The following FARP2 variants were observed in gnomAD, a reference collection of about 807,000 sequenced individuals.
FARP2 encodes FERM, ARHGEF and pleckstrin domain-containing protein 2.
FARP2 carries 111 observed loss-of-function variants against 130.5 expected under a neutral mutation model. That is an observed-to-expected ratio of 0.85 (90% CI 0.73 to 1.00). FARP2 has a LOEUF of 1.00. Ranked by LOEUF, FARP2 falls within the 50% of genes least tolerant of loss-of-function variation. The pLI is 0.00. For missense variants in FARP2, 1,385 were observed against 1,346.3 expected (o/e 1.03, Z -0.45); for synonymous variants, 504 against 516.9 (o/e 0.98, Z 0.34).
At chr2:241,434,915 A>G (rs376268680) in intron 10 of FARP2, 47 bp from the exon 11 acceptor site, 3 of 1,111,170 alleles carry the variant, frequency 2.7e-6, no homozygotes, top group Non-Finnish European at 4.1e-6. Flanking sequence ...TGAAAAATTA[A>G]TGCTGACTTA....
chr2:241,465,474 C>T lies in FARP2; in HGVS notation c.1893+1494C>T, dbSNP rs374933098. Reference sequence around the variant, plus strand: ...TTTTCTTTCAGGTGTTCCAGCTCCACGAAGGGCATGTAGCAGGGGTCACAA... The same window carrying T: ...TTTTCTTTCAGGTGTTCCAGCTCCATGAAGGGCATGTAGCAGGGGTCACAA... On this transcript the variant is annotated intron_variant, in intron 17 of 26. Transcript: ENST00000264042. The T allele has an allele frequency of 5.0e-5, 78 of 1,550,324 alleles. No homozygotes were observed. The Admixed American group carries it at 7.3e-4, about 14-fold the overall frequency.
At chr2:241,359,088 C>T (rs558262569) in intron 1 of FARP2, among the ~76,000 whole-genome samples, 19 of 152,226 alleles carry the variant, frequency 1.2e-4, no homozygotes, top group Non-Finnish European at 2.6e-4. Flanking sequence ...TGGAAATATG[C>T]TTTAAAATGT....
At chr2:241,418,850 C>G (rs1268133098) in intron 8 of FARP2, among the ~76,000 whole-genome samples, 1 of 152,178 alleles carries the variant, frequency 6.6e-6, no homozygotes, top group African/African-American at 2.4e-5. Context: ...CCCAAGTCCC[C>G]TCGCACCCAG....
intron 2 of FARP2, among the ~76,000 whole-genome samples, chr2:241,375,581 A>G (rs1414580040): frequency 6.6e-6 from 1 of 152,140 alleles, no homozygotes; most frequent in African/African-American, 2.4e-5. Context: ...CCATTTTGTG[A>G]AGGTTTTACA....
chr2:241,379,516 G>A (rs534847008), intron 2 of FARP2, among the ~76,000 whole-genome samples: 2 of 152,182 alleles, frequency 1.3e-5, no homozygotes, highest in South Asian at 4.1e-4. Flanking sequence ...CTTTAGAATT[G>A]CAGAGGCTTT....
In FARP2 at chr2:241,407,055, C is replaced by G. The variant is rs974845975; in HGVS notation, c.332-482C>G. Reference sequence around the variant, plus strand: ...GATCTCCTGACCTTGTGATCCGCCCCCCTCAGCCTCCCAAAGTGCTGGGAT... The same window carrying G: ...GATCTCCTGACCTTGTGATCCGCCCGCCTCAGCCTCCCAAAGTGCTGGGAT... On this transcript the variant is annotated intron_variant, in intron 4 of 26. Transcript: ENST00000264042. Among the ~76,000 whole-genome samples the G allele has an allele frequency of 8.6e-5, 13 of 150,598 alleles. No individual in the cohort carries two copies. In the South Asian group the frequency reaches 1.1e-3, roughly 12 times the overall value.
At chr2:241,472,486 G>A (rs1051533185) in intron 18 of FARP2, among the ~76,000 whole-genome samples, 1 of 148,214 alleles carries the variant, frequency 6.7e-6, no homozygotes, top group African/African-American at 2.5e-5. Context: ...GTTTTATGGT[G>A]TTCTGTGGGG....
In FARP2 at chr2:241,434,322, G is replaced by T. The variant is rs772073534; in HGVS notation, c.1031+1G>T. On this transcript the variant is annotated splice_donor_variant, in intron 10 of 26. Transcript: ENST00000264042. LOFTEE classifies it high-confidence loss of function. ...GCCGGGGCTCCTCCTTCAGATACAG[G>T]TAGGGGCCATGCCGTGGCTTGCATG... 5.0e-6 allele frequency: 8 copies of T among 1,604,146 alleles called. No homozygotes were observed. The Admixed American group carries it at 1.4e-4, about 28-fold the overall frequency.
chr2:241,453,770 T>TG (rs1491260186), intron 13 of FARP2, among the ~76,000 whole-genome samples: 2 of 11,756 alleles, frequency 1.7e-4, no homozygotes, highest in East Asian at 3.2e-3. Context: ...CACTTACTGG[T>TG]TTTTTTTTTT....
intron 7 of FARP2, among the ~76,000 whole-genome samples, chr2:241,415,027 T>A (rs2062628138): frequency 6.6e-6 from 1 of 152,190 alleles, no homozygotes; most frequent in South Asian, 2.1e-4. Flanking sequence ...TTTTGTGTAA[T>A]CCTCAAACCC....
At chr2:241,364,463 C>T (rs2150284571) in intron 1 of FARP2, among the ~76,000 whole-genome samples, 1 of 152,278 alleles carries the variant, frequency 6.6e-6, no homozygotes, top group African/African-American at 2.4e-5. Flanking sequence ...AACTTCTAAC[C>T]CGTAGACACT....
rs571454481 is a variant in FARP2 at position 241,458,766 on chromosome 2, C to A, written c.1587+1844C>A. 4.6e-5 allele frequency among the ~76,000 whole-genome samples: 7 copies of A among 152,150 alleles called. No homozygotes were observed. The South Asian group carries it at 1.5e-3, about 32-fold the overall frequency. On this transcript the variant is annotated intron_variant, in intron 14 of 26. Transcript: ENST00000264042. ...TTTATATTACAAAAATCAGTTGATT[C>A]TTTAGATGGTTCTATAGGATGACAG...
intron 2 of FARP2, among the ~76,000 whole-genome samples, chr2:241,400,000 G>A (rs1405331506): frequency 6.6e-6 from 1 of 152,148 alleles, no homozygotes; most frequent in South Asian, 2.1e-4. Flanking sequence ...GTGAATTTTT[G>A]TGCCCGTATT....
At position 241,492,984 on chromosome 2, in the gene FARP2, A is replaced by G; in HGVS notation, c.2843A>G (p.Lys948Arg). 1 of 1,613,208 alleles carries G rather than the reference A, an allele frequency of 6.2e-7. No individual in the cohort carries two copies. Among genetic ancestry groups the G allele is most frequent in the African/African-American group, 1.3e-5 (1 of 75,042 alleles). The change falls in exon 25 of 27, where the codon AAG becomes AGG. Residue 948 changes from lysine (K) to arginine (R), a missense_variant. By Grantham distance (26) the Lys-to-Arg change is conservative. Coordinates refer to ENST00000264042, the MANE Select transcript of FARP2 (RefSeq NM_014808.4). ...RKFKNSHGWQ[K>R]LWVVFTNFCL... ...TTCAAAAACAGTCATGGCTGGCAGA[A>G]GCTCTGGGTCGTCTTTACCAACTTC...
intron 20 of FARP2, 109 bp downstream of exon 20, chr2:241,483,642 C>T: frequency 7.6e-7 from 1 of 1,310,050 alleles, no homozygotes; most frequent in Admixed American, 1.9e-5. Flanking sequence ...GGTAGTTTAG[C>T]ACTTGGAGGC....
chr2:241,436,332 C>T, intron 11 of FARP2, 149 bp from the exon 12 acceptor site: 1 of 630,662 alleles, frequency 1.6e-6, no homozygotes, highest in South Asian at 2.1e-5. Context: ...TCTTGTTTTC[C>T]ATTCTCCTGC....
intron 12 of FARP2, 81 bp from the exon 13 acceptor site, chr2:241,441,223 T>TG: frequency 7.3e-7 from 1 of 1,360,638 alleles, no homozygotes; most frequent in South Asian, 1.4e-5. Context: ...ATGCCCTAAG[T>TG]TAGGCCAGGT....
chr2:241,404,962 C>A, intron 4 of FARP2, 121 bp downstream of exon 4: 1 of 664,586 alleles, frequency 1.5e-6, no homozygotes, highest in Non-Finnish European at 2.6e-6. Context: ...GAAGTAATCA[C>A]CAATAGCGGA....
In FARP2 at chr2:241,463,704, A is replaced by G. The variant is rs138552421; in HGVS notation, c.1812-195A>G. The G allele has an allele frequency of 1.9e-3, 1,310 of 680,004 alleles. 16 individuals carry two copies. Among genetic ancestry groups the G allele is most frequent in the African/African-American group, 0.018 (1,012 of 55,304 alleles). 42.1% of individuals were successfully genotyped at this position (680,004 alleles called of 1,614,324 possible). A position where few individuals can be genotyped will look rare whatever the true frequency, so the allele number is the denominator to read the frequency against. Reference sequence around the variant, plus strand: ...GAAGATCCCTTTTTGCCTGGTTACTATCTGTTTTAGAGAATGGCCAGACAC... The same window carrying G: ...GAAGATCCCTTTTTGCCTGGTTACTGTCTGTTTTAGAGAATGGCCAGACAC... On this transcript the variant is annotated intron_variant, in intron 16 of 26. Transcript: ENST00000264042.
Sources: allele counts gnomAD v4.1 joint callset (sites outside exome capture counted in the v4.1 genomes callset), GRCh38; gene constraint gnomAD v4.1.1; transcripts MANE v1.5; gene names NCBI Gene and HGNC (gene_info 2026-07-23, HGNC 2026-07-21).